DNAH3: variants seen among roughly 807,000 people sequenced by gnomAD.
DNAH3 encodes the protein dynein axonemal heavy chain 3, also known as axonemal beta dynein heavy chain 3.
DNAH3 carries 332 observed loss-of-function variants against 432.5 expected under a neutral mutation model. That is an observed-to-expected ratio of 0.77 (90% CI 0.70 to 0.84). DNAH3 has a LOEUF of 0.84. DNAH3 is among the 40% of genes least tolerant of loss of function. DNAH3 has a pLI of 0.00. For missense variants in DNAH3, 4,861 were observed against 5,114.0 expected, an observed-to-expected ratio of 0.95 and a Z score of 1.51; for synonymous variants, 1,956 against 1,900.2, an observed-to-expected ratio of 1.03 and a Z score of -0.76.
At chr16:20,946,819 CTTT>C (rs71149199) in intron 57 of DNAH3, among the ~76,000 whole-genome samples, 1 of 70,860 alleles carries the variant, frequency 1.4e-5, no homozygotes, top group South Asian at 7.2e-4. Flanking sequence ...ATTGTGAGTC[CTTT>C]TTTTTTTTTT....
chr16:21,075,825 G>A (rs1028528957), intron 20 of DNAH3, among the ~76,000 whole-genome samples: 6 of 148,512 alleles, frequency 4.0e-5, no homozygotes, highest in Admixed American at 7.0e-5. Flanking sequence ...TGGGAGGATC[G>A]CCTGAGCCTG....
At chr16:20,939,978 A>T (rs774982226) in intron 59 of DNAH3, among the ~76,000 whole-genome samples, 9 of 152,230 alleles carry the variant, frequency 5.9e-5, no homozygotes, top group Non-Finnish European at 1.0e-4. Context: ...TAGTAACTGG[A>T]GAAGAGGACT....
chr16:21,134,129 G>A, intron 7 of DNAH3, 130 bp downstream of exon 8: 1 of 889,412 alleles, frequency 1.1e-6, no homozygotes, highest in Non-Finnish European at 1.7e-6. Flanking sequence ...TGCATATTTG[G>A]CCTAGATTTT....
At chr16:21,016,089 G>A (rs374827573) in intron 41 of DNAH3, among the ~76,000 whole-genome samples, 3 of 152,132 alleles carry the variant, frequency 2.0e-5, no homozygotes, top group Middle Eastern at 3.4e-3. Context: ...GTGCCTGGCC[G>A]AGATATGATT....
At chr16:21,135,979 A>G (rs28497261) in intron 6 of DNAH3, among the ~76,000 whole-genome samples, 37,233 of 151,970 alleles carry the variant, frequency 0.25, 4,649 homozygotes, top group East Asian at 0.31. Context: ...TGCAGGTTAC[A>G]GGGATGCACG....
At chr16:21,019,717 C>T (rs1226260317) in exon 41 of DNAH3, 1 of 1,614,148 alleles carries the variant, frequency 6.2e-7, no homozygotes, top group Admixed American at 1.7e-5. Context: ...CGGAAAAACA[C>T]ATCAAATTTC....
chr16:21,155,860 T>A (rs1019767405), intron 1 of DNAH3, among the ~76,000 whole-genome samples: 2 of 152,118 alleles, frequency 1.3e-5, no homozygotes, highest in Non-Finnish European at 2.9e-5. Flanking sequence ...GCTAAAAAAA[T>A]TTCACACATT....
chr16:21,152,753 G>A (rs866387896), intron 1 of DNAH3, among the ~76,000 whole-genome samples: 18 of 152,348 alleles, frequency 1.2e-4, no homozygotes, highest in Middle Eastern at 3.4e-3. Flanking sequence ...CAGCGGCTGC[G>A]GAGGGTGTAC....
chr16:21,106,628 G>A (rs2091953311), exon 15 of DNAH3: 2 of 1,606,700 alleles, frequency 1.2e-6, no homozygotes, highest in South Asian at 1.1e-5. Context: ...GTGTTGGCAG[G>A]AACCTCACTG....
At chr16:20,976,244 C>G (rs1371373074) in intron 50 of DNAH3, among the ~76,000 whole-genome samples, 1 of 151,704 alleles carries the variant, frequency 6.6e-6, no homozygotes, top group Non-Finnish European at 1.5e-5. Context: ...ATCACCCAGG[C>G]TGTAGTGGTG....
chr16:21,060,777 G>A (rs1312212505), intron 25 of DNAH3, among the ~76,000 whole-genome samples: 3 of 150,402 alleles, frequency 2.0e-5, no homozygotes, highest in South Asian at 2.1e-4. Context: ...TGCCCACCTC[G>A]GCCTCCAAAG....
At chr16:21,019,851 T>A (rs764468689) in exon 41 of DNAH3, 3 of 1,614,124 alleles carry the variant, frequency 1.9e-6, no homozygotes, top group Non-Finnish European at 2.5e-6. Flanking sequence ...TTCCTCCTCT[T>A]CTACTGCCCT....
At chr16:21,091,014 G>A (rs1302546439) in intron 18 of DNAH3, among the ~76,000 whole-genome samples, 1 of 152,056 alleles carries the variant, frequency 6.6e-6, no homozygotes, top group Non-Finnish European at 1.5e-5. Context: ...TTAGCTGGGT[G>A]TGGTGGTGTG....
At chr16:21,120,103 A>G (rs1373810427) in intron 11 of DNAH3, among the ~76,000 whole-genome samples, 1 of 123,760 alleles carries the variant, frequency 8.1e-6, no homozygotes, top group African/African-American at 3.1e-5. Context: ...TTTCCCTACC[A>G]ACTTTTTTTT....
rs1450536375 is a variant in DNAH3 at position 21,122,089 on chromosome 16, C to A, written c.1440G>T (p.Met480Ile). 1.9e-6 allele frequency: 3 copies of A among 1,613,026 alleles called. 1 individual carries two copies. Among genetic ancestry groups the A allele is most frequent in the African/African-American group, 2.7e-5 (2 of 74,878 alleles). The change falls in exon 10 of 62, where the codon ATG (methionine) becomes ATT (isoleucine). Residue 480 changes from methionine (M) to isoleucine (I), a missense_variant. Transcript: ENST00000261383. ...TGATTAGCTGAGGTATGAAAAACTTCATCTCTTGGTAGGGCTCCTTAAAAT... is the reference window on the plus strand; with the variant it reads ...TGATTAGCTGAGGTATGAAAAACTTAATCTCTTGGTAGGGCTCCTTAAAAT...
intron 5 of DNAH3, chr16:21,140,132 A>G (rs1320699072): frequency 2.5e-5 from 4 of 159,830 alleles, no homozygotes; most frequent in Non-Finnish European, 5.5e-5. Context: ...CCTATGATAG[A>G]GATCCCATAT....
rs1484093631 is a variant in DNAH3 at position 20,976,613 on chromosome 16, C to T, written c.8077-1198G>A. On this transcript the variant is annotated intron_variant, in intron 50 of 61. Transcript: ENST00000261383. ...GTATTGTGGACTAAATGTTTGTGTC[C>T]TCCTCAGATTTATATGTTGAAGCAT... is the stretch of plus-strand genomic sequence containing the variant. Among the ~76,000 whole-genome samples, 3 of 152,226 alleles carry T rather than the reference C, an allele frequency of 2.0e-5. No homozygotes were observed. In the East Asian group the frequency reaches 5.8e-4, roughly 29 times the overall value.
At chr16:20,978,397 C>T (rs1259697639) in intron 50 of DNAH3, among the ~76,000 whole-genome samples, 1 of 152,124 alleles carries the variant, frequency 6.6e-6, no homozygotes, top group African/African-American at 2.4e-5. Flanking sequence ...GGCGTGGTGG[C>T]ACGCACCTGT....
chr16:21,085,021 AC>A (rs2091317080), intron 19 of DNAH3, among the ~76,000 whole-genome samples: 1 of 145,150 alleles, frequency 6.9e-6, no homozygotes, highest in Admixed American at 6.9e-5. Flanking sequence ...AGAGAGAGGC[AC>A]CCCGTGAGCA....
Sources: gnomAD v4.1 joint callset for allele counts (sites outside exome capture counted in the v4.1 genomes callset) on GRCh38, gnomAD v4.1.1 for gene constraint, MANE v1.5 for transcripts, NCBI Gene and HGNC (gene_info 2026-07-23, HGNC 2026-07-21) for gene names.